Variants in LEPROTL1 observed in about 807,000 individuals in gnomAD.
LEPROTL1 encodes leptin receptor overlapping transcript like 1.
LEPROTL1 carries 6 observed loss-of-function variants against 15.4 expected under a neutral mutation model. The ratio of observed to expected loss-of-function variants is 0.39; its 90% CI spans 0.21 to 0.77. The LOEUF is 0.77. Among genes scored for constraint, LEPROTL1 ranks in the 30% least tolerant of loss-of-function variants. The pLI is 0.41. For synonymous variants in LEPROTL1, 56 were observed against 52.6 expected (o/e 1.06, Z -0.28); for missense variants, 128 against 158.1 (o/e 0.81, Z 1.02).
intron 3 of LEPROTL1, among the ~76,000 whole-genome samples, chr8:30,118,019 G>GTTTT (rs34271690): frequency 2.2e-4 from 6 of 26,784 alleles, no homozygotes; most frequent in African/African-American, 7.2e-4. Context: ...TTTTTGATTT[G>GTTTT]TTTTTTTTTT....
chr8:30,130,525 T>C (rs1022656550), intron 3 of LEPROTL1, among the ~76,000 whole-genome samples: 1 of 152,054 alleles, frequency 6.6e-6, no homozygotes, highest in Non-Finnish European at 1.5e-5. Context: ...GTATATTAAA[T>C]CCTAACAGGA....
At chr8:30,137,153 G>A in intron 4 of LEPROTL1, 3 of 792,196 alleles carry the variant, frequency 3.8e-6, no homozygotes, top group Non-Finnish European at 6.2e-6. Context: ...TCACCAGAGA[G>A]AGCCAGGAAC....
intron 3 of LEPROTL1, among the ~76,000 whole-genome samples, chr8:30,119,382 C>G (rs959409169): frequency 6.6e-6 from 1 of 152,164 alleles, no homozygotes; most frequent in Non-Finnish European, 1.5e-5. Flanking sequence ...CTTTCTTTTC[C>G]CTACAGTCTC....
intron 4 of LEPROTL1, among the ~76,000 whole-genome samples, chr8:30,136,914 C>A (rs1031401452): frequency 2.0e-5 from 3 of 152,050 alleles, no homozygotes; most frequent in Non-Finnish European, 4.4e-5. Flanking sequence ...TCTTGAACTC[C>A]TGGCCTCAAG....
intron 4 of LEPROTL1, chr8:30,132,687 A>G (rs139358115): frequency 6.4e-7 from 1 of 1,551,730 alleles, no homozygotes; most frequent in South Asian, 1.2e-5. Flanking sequence ...CTTGAACACG[A>G]GCCTGAAATC....
chr8:30,119,985 C>G (rs1802803867), intron 3 of LEPROTL1, among the ~76,000 whole-genome samples: 1 of 152,122 alleles, frequency 6.6e-6, no homozygotes, highest in Non-Finnish European at 1.5e-5. Context: ...AGGAGAATCA[C>G]TTGAACCTGG....
Position 30,107,752 on chromosome 8 carries a change from CTT to C in LEPROTL1, c.*1897_*1898del. 1 of 969,696 alleles carries C rather than the reference CTT, an allele frequency of 1.0e-6. No individual in the cohort carries two copies. Among genetic ancestry groups the C allele is most frequent in the East Asian group, 1.1e-4 (1 of 8,750 alleles). The allele number at this position is 969,696 out of a possible 1,614,324, so 60.1% of individuals were successfully genotyped here. On this transcript the variant is annotated 3_prime_UTR_variant, in exon 4 of 4. Transcript: ENST00000321250. The stretch of plus-strand genomic sequence containing the variant: ...CTCTTTGTGCTTGTGATCTACTGGA[CTT>C]TTTTTTGCAGGAAGTGCATTCTCTG...
chr8:30,129,096 T>G (rs1263853824), intron 3 of LEPROTL1, among the ~76,000 whole-genome samples: 1 of 152,102 alleles, frequency 6.6e-6, no homozygotes, highest in Non-Finnish European at 1.5e-5. Flanking sequence ...AGATGGCATC[T>G]CCCTATGTTG....
At chr8:30,120,745 T>C (rs1802817537) in intron 3 of LEPROTL1, among the ~76,000 whole-genome samples, 1 of 152,196 alleles carries the variant, frequency 6.6e-6, no homozygotes, top group South Asian at 2.1e-4. Flanking sequence ...TTACCCAGGC[T>C]GGTCTTGAAC....
intron 4 of LEPROTL1, chr8:30,132,569 C>T: frequency 6.4e-7 from 1 of 1,551,752 alleles, no homozygotes; most frequent in Non-Finnish European, 8.7e-7. Context: ...CCCGCTCCTG[C>T]ATCCACCACC....
chr8:30,131,500 AT>A (rs2117530338), intron 3 of LEPROTL1, among the ~76,000 whole-genome samples: 1 of 152,172 alleles, frequency 6.6e-6, no homozygotes, highest in Non-Finnish European at 1.5e-5. Context: ...AATAATGGAT[AT>A]AAGTCTGTAG....
intron 3 of LEPROTL1, among the ~76,000 whole-genome samples, chr8:30,123,259 C>G (rs915591217): frequency 1.3e-5 from 2 of 152,186 alleles, no homozygotes; most frequent in Non-Finnish European, 2.9e-5. Flanking sequence ...TCACTTCTGC[C>G]ATACTCTAGT....
chr8:30,125,274 T>C (rs534309298), intron 3 of LEPROTL1, among the ~76,000 whole-genome samples: 4 of 152,318 alleles, frequency 2.6e-5, no homozygotes, highest in African/African-American at 7.2e-5. Context: ...CTGACTGTTA[T>C]GAGCTGCCAA....
At chr8:30,124,775 A>G (rs1802882380) in intron 3 of LEPROTL1, among the ~76,000 whole-genome samples, 1 of 152,196 alleles carries the variant, frequency 6.6e-6, no homozygotes, top group Non-Finnish European at 1.5e-5. Flanking sequence ...AATAGGGAGG[A>G]AATTACCTTT....
exon 5 of LEPROTL1, chr8:30,137,422 G>C (rs1262143583): frequency 6.4e-7 from 1 of 1,551,718 alleles, no homozygotes; most frequent in Non-Finnish European, 8.7e-7. Flanking sequence ...GAGGCTGGCA[G>C]ACAGTGCTGA....
chr8:30,098,570 A>G (rs1198870171), intron 1 of LEPROTL1, among the ~76,000 whole-genome samples: 1 of 152,166 alleles, frequency 6.6e-6, no homozygotes, highest in African/African-American at 2.4e-5. Context: ...ATTTATAGTA[A>G]TGGACTTAGC....
At chr8:30,121,401 C>T (rs1401714221) in intron 3 of LEPROTL1, among the ~76,000 whole-genome samples, 2 of 151,826 alleles carry the variant, frequency 1.3e-5, no homozygotes, top group Non-Finnish European at 2.9e-5. Flanking sequence ...TACAGGCACC[C>T]GCCACCACGC....
At chr8:30,097,700 C>CAT (rs1802395019) in intron 1 of LEPROTL1, among the ~76,000 whole-genome samples, 1 of 116,038 alleles carries the variant, frequency 8.6e-6, no homozygotes, top group African/African-American at 3.4e-5. Context: ...TATATATATA[C>CAT]ACACACACAC....
chr8:30,128,673 G>A (rs572715072), intron 3 of LEPROTL1, among the ~76,000 whole-genome samples: 29 of 151,648 alleles, frequency 1.9e-4, no homozygotes, highest in Non-Finnish European at 3.1e-4. Flanking sequence ...GATTCCTTGA[G>A]CCCAGGAGGC....
Sources: gnomAD v4.1 joint callset for allele counts (sites outside exome capture counted in the v4.1 genomes callset) on GRCh38, gnomAD v4.1.1 for gene constraint, MANE v1.5 for transcripts, NCBI Gene and HGNC (gene_info 2026-07-23, HGNC 2026-07-21) for gene names.